Variants in SLC18A2 observed in about 807,000 individuals in gnomAD.
SLC18A2 encodes the protein synaptic vesicular amine transporter.
Under a neutral mutation model 59.2 loss-of-function variants are expected in SLC18A2, and 33 were observed. The observed-to-expected ratio is 0.56, with a 90% CI of 0.42 to 0.75. The LOEUF (loss-of-function observed/expected upper bound fraction) is 0.75, where lower values mean the gene tolerates loss of function less well. Ranked by LOEUF, SLC18A2 falls within the 30% of genes least tolerant of loss-of-function variation. SLC18A2 has a pLI of 0.00. For synonymous variants in SLC18A2, 228 were observed against 253.5 expected (o/e 0.90, Z 0.95); for missense variants, 569 against 668.6 (o/e 0.85, Z 1.64).
chr10:117,268,998 A>G (rs1477764583), intron 13 of SLC18A2, among the ~76,000 whole-genome samples: 2 of 7,572 alleles, frequency 2.6e-4, no homozygotes, highest in African/African-American at 4.8e-4. Flanking sequence ...ATACACACAA[A>G]CACACATACA....
At chr10:117,246,634 T>C (rs918400108) in intron 3 of SLC18A2, among the ~76,000 whole-genome samples, 16 of 152,106 alleles carry the variant, frequency 1.1e-4, no homozygotes, top group African/African-American at 3.6e-4. Flanking sequence ...TGCCTGGTAA[T>C]ATGGAAGGAC....
rs35772469 is a variant in SLC18A2 at position 117,241,630 on chromosome 10, TG to T, written c.-15-43del. 7.7e-4 allele frequency: 1,148 copies of T among 1,492,790 alleles called. 6 individuals are homozygous for T. The African/African-American group carries it at 0.015, about 19-fold the overall frequency. The allele number at this position is 1,492,790 out of a possible 1,614,324, so 92.5% of individuals were successfully genotyped here. On this transcript the variant is annotated intron_variant, in intron 1 of 15. Coordinates refer to ENST00000644641, the MANE Select transcript of SLC18A2 (RefSeq NM_003054.6). The stretch of plus-strand genomic sequence containing the variant: ...TTCCGCGGCCTGGGGGACGGGAGAA[TG>T]GGGGGTCCACGGCCGCCTTGGGTCC...
chr10:117,244,974 G>A (rs778827582), intron 3 of SLC18A2, among the ~76,000 whole-genome samples: 3 of 152,254 alleles, frequency 2.0e-5, no homozygotes, highest in Non-Finnish European at 4.4e-5. Context: ...GAATCAGGCT[G>A]TTCTAGATTT....
intron 10 of SLC18A2, among the ~76,000 whole-genome samples, chr10:117,259,510 G>A (rs182020311): frequency 6.6e-5 from 10 of 152,308 alleles, no homozygotes; most frequent in Non-Finnish European, 1.5e-4. Context: ...CCACAGCATA[G>A]CCTCCCACAG....
intron 3 of SLC18A2, 129 bp from the exon 4 acceptor site, chr10:117,253,270 T>C (rs905552137): frequency 2.8e-6 from 2 of 706,234 alleles, no homozygotes; most frequent in African/African-American, 3.5e-5. Context: ...ACTGAGTATA[T>C]GAATTTTCAG....
Position 117,269,137 on chromosome 10 carries a change from A to G in SLC18A2, c.1187-934A>G. Among the ~76,000 whole-genome samples the G allele has an allele frequency of 7.0e-6, 1 of 142,986 alleles. No individual in the cohort carries two copies. The highest frequency in any genetic ancestry group is 2.0e-4 in the East Asian group (1 of 4,902). The allele number at this position is 142,986 out of a possible 152,430, so 93.8% of individuals were successfully genotyped here. On this transcript the variant is annotated intron_variant, in intron 13 of 15. Transcript: ENST00000644641. The surrounding 1 kb of genome is among the most constrained non-coding windows in gnomAD (Gnocchi z 5.1). ...CGTAGATACACATACACATACAAAC[A>G]CCCACCCACATACATATGCACACAT...
chr10:117,254,568 C>A, intron 6 of SLC18A2, 71 bp downstream of exon 6: 1 of 1,109,622 alleles, frequency 9.0e-7, no homozygotes, highest in Non-Finnish European at 1.3e-6. Flanking sequence ...GCAGTCCTCG[C>A]CCAGTGACCC....
intron 13 of SLC18A2, chr10:117,268,793 C>T (rs949170558): frequency 6.6e-6 from 1 of 152,080 alleles, no homozygotes; most frequent in Admixed American, 6.6e-5. Context: ...TCATCTGGCC[C>T]TGCTCAGAAA....
chr10:117,245,129 G>C (rs560045855), intron 3 of SLC18A2, among the ~76,000 whole-genome samples: 4 of 152,216 alleles, frequency 2.6e-5, no homozygotes. Flanking sequence ...GAGAGGAGGA[G>C]GCAGGCCCCC....
intron 10 of SLC18A2, among the ~76,000 whole-genome samples, chr10:117,259,069 T>G (rs1844261274): frequency 6.6e-6 from 1 of 152,254 alleles, no homozygotes; most frequent in Non-Finnish European, 1.5e-5. Flanking sequence ...TTTTCCCATC[T>G]TCTGTCCTCC....
chr10:117,269,777 C>G lies in SLC18A2; in HGVS notation c.1187-294C>G, dbSNP rs1353676661. Among the ~76,000 whole-genome samples the G allele has an allele frequency of 6.6e-6, 1 of 152,100 alleles. No homozygotes were observed. Among genetic ancestry groups the G allele is most frequent in the Non-Finnish European group, 1.5e-5 (1 of 68,018 alleles). ...TACAAGTGCTGGGGATATGGGTGAA[C>G]AAAACCAACAGAAGAGTTGGGCATT... On this transcript the variant is annotated intron_variant, in intron 13 of 15. Coordinates refer to ENST00000644641, the MANE Select transcript of SLC18A2 (RefSeq NM_003054.6). This position sits in a 1 kb window ranked among gnomAD's most constrained non-coding sequence, Gnocchi z 5.1.
chr10:117,279,106 A>G lies in SLC18A2; in HGVS notation c.*1840A>G, dbSNP rs560527241. 3.9e-5 allele frequency: 6 copies of G among 152,346 alleles called. No homozygotes were observed. Among genetic ancestry groups the G allele is most frequent in the African/African-American group, 1.4e-4 (6 of 41,572 alleles). 9.4% of individuals were successfully genotyped at this position (152,346 alleles called of 1,614,324 possible). ...CCTGCTGTTGGTCCCTCGGGATAAGATAAAATATAAATAAAACCTTCAGAA... is the reference window on the plus strand; with the variant it reads ...CCTGCTGTTGGTCCCTCGGGATAAGGTAAAATATAAATAAAACCTTCAGAA... On this transcript the variant is annotated 3_prime_UTR_variant, in exon 16 of 16. Transcript: ENST00000644641.
intron 6 of SLC18A2, among the ~76,000 whole-genome samples, 159 bp from the exon 7 acceptor site, chr10:117,255,118 A>G (rs1844213568): frequency 2.0e-5 from 3 of 152,230 alleles, no homozygotes; most frequent in Admixed American, 2.0e-4. Flanking sequence ...GGAAGTTGCC[A>G]AGACAACTGA....
Position 117,270,293 on chromosome 10 carries a change from T to G in SLC18A2, c.1307-37T>G, listed in dbSNP as rs555047249. 8.7e-6 allele frequency: 14 copies of G among 1,613,882 alleles called. No individual in the cohort carries two copies. In the South Asian group the frequency reaches 1.4e-4, roughly 16 times the overall value. On this transcript the variant is annotated intron_variant, in intron 14 of 15. Coordinates refer to ENST00000644641, the MANE Select transcript of SLC18A2 (RefSeq NM_003054.6). ...TTGCATCTTTCAGTCTACAAGACAT[T>G]TGGAAGAGCTTTATCTAATTCTCTG...
chr10:117,250,544 G>A (rs1048774838), intron 3 of SLC18A2, among the ~76,000 whole-genome samples: 1 of 152,180 alleles, frequency 6.6e-6, no homozygotes, highest in African/African-American at 2.4e-5. Context: ...ATGGTAAAAA[G>A]AACCCTCTGT....
intron 3 of SLC18A2, among the ~76,000 whole-genome samples, chr10:117,252,226 C>T (rs368738375): frequency 3.4e-5 from 5 of 147,790 alleles, no homozygotes; most frequent in African/African-American, 5.1e-5. Flanking sequence ...TCAGGTGATC[C>T]GCCCACCTCG....
Position 117,269,925 on chromosome 10 carries a change from A to AT in SLC18A2, c.1187-144dup. The AT allele has an allele frequency of 1.1e-6, 1 of 931,510 alleles. No homozygotes were observed. Among genetic ancestry groups the AT allele is most frequent in the East Asian group, 2.6e-5 (1 of 37,972 alleles). 57.7% of individuals were successfully genotyped at this position (931,510 alleles called of 1,614,324 possible). Reference sequence around the variant, plus strand: ...CTTCCTTCATTCTTTCTACTCAAAGATTAGTATCACCCCAAGACTTGCAGG... The same window carrying AT: ...CTTCCTTCATTCTTTCTACTCAAAGATTTAGTATCACCCCAAGACTTGCAGG... On this transcript the variant is annotated intron_variant, in intron 13 of 15. Transcript: ENST00000644641. The surrounding 1 kb of genome is among the most constrained non-coding windows in gnomAD (Gnocchi z 5.1).
chr10:117,275,712 G>C (rs1461177912), intron 15 of SLC18A2, among the ~76,000 whole-genome samples: 3 of 152,158 alleles, frequency 2.0e-5, no homozygotes, highest in African/African-American at 7.2e-5. Flanking sequence ...GCATGGTCTT[G>C]GCATGATAAA....
At chr10:117,273,935 T>G (rs1844454870) in intron 15 of SLC18A2, among the ~76,000 whole-genome samples, 1 of 152,200 alleles carries the variant, frequency 6.6e-6, no homozygotes, top group Non-Finnish European at 1.5e-5. Context: ...GGCTTTGCTC[T>G]GAATTCAAAT....
Sources: allele counts gnomAD v4.1 joint callset (sites outside exome capture counted in the v4.1 genomes callset), GRCh38; gene constraint gnomAD v4.1.1; non-coding constraint Gnocchi (gnomAD v3.1); transcripts MANE v1.5; gene names NCBI Gene and HGNC (gene_info 2026-07-23, HGNC 2026-07-21).